The following XPR1 variants were observed in gnomAD, a reference collection of about 807,000 sequenced individuals.
The protein encoded by XPR1 is solute carrier family 53 member 1.
XPR1 carries 28 observed loss-of-function variants against 87.5 expected under a neutral mutation model. The ratio of observed to expected loss-of-function variants is 0.32; its 90% confidence interval spans 0.24 to 0.44. The LOEUF (loss-of-function observed/expected upper bound fraction) is 0.44, where lower values mean the gene tolerates loss of function less well. Among genes scored for constraint, XPR1 ranks in the 20% least tolerant of loss-of-function variants. XPR1 has a pLI of 1.00. For missense variants in XPR1, 559 were observed against 862.3 expected, an observed-to-expected ratio of 0.65 and a Z score of 4.41; for synonymous variants, 300 against 306.1, an observed-to-expected ratio of 0.98 and a Z score of 0.21.
In XPR1 at chr1:180,803,588, C is replaced by G. The variant is rs1649875132; in HGVS notation, c.424C>G (p.Leu142Val). 1 of 1,612,576 alleles carries G rather than the reference C, an allele frequency of 6.2e-7. No homozygotes were observed. The highest frequency in any genetic ancestry group is 8.5e-7 in the Non-Finnish European group (1 of 1,179,750). Residue 142 changes from leucine to valine, a missense_variant, in exon 4 of 15, where the codon CTA becomes GTA. Physicochemically the swap from Leu to Val is conservative, Grantham distance 32. Transcript: ENST00000367590. ...GGCCTTCAGTGAGTTCTACCTCAGTCTAATCCTGCTGCAGAACTATCAGGT... is the reference window on the plus strand; with the variant it reads ...GGCCTTCAGTGAGTTCTACCTCAGTGTAATCCTGCTGCAGAACTATCAGGT... ...KLAFSEFYLSLILLQNYQNLN... is the reference protein window; with the variant it reads ...KLAFSEFYLSVILLQNYQNLN...
At chr1:180,851,343 C>T (rs1452708022) in intron 11 of XPR1, among the ~76,000 whole-genome samples, 1 of 152,084 alleles carries the variant, frequency 6.6e-6, no homozygotes, top group East Asian at 1.9e-4. Flanking sequence ...GCTTTTTCTA[C>T]TGGAGGTGGG....
At chr1:180,651,274 T>C (rs562806754) in intron 1 of XPR1, among the ~76,000 whole-genome samples, 1 of 152,270 alleles carries the variant, frequency 6.6e-6, no homozygotes, top group Admixed American at 6.5e-5. Context: ...GTATTTTTAG[T>C]AGAGGCGGGG....
rs12088419 is a variant in XPR1, at chr1:180,873,668, G to A, written c.1669-135G>A. The A allele has an allele frequency of 0.01, 10,253 of 981,662 alleles. 733 individuals are homozygous for A. In the African/African-American group the frequency reaches 0.15, roughly 14 times the overall value. 60.8% of individuals were successfully genotyped at this position (981,662 alleles called of 1,614,324 possible). ...AATGTGTACTTCCCTGCAAAATAAA[G>A]TACAACTTTCCTCTTGAGCCTGTGC... On this transcript the variant is annotated intron_variant, in intron 12 of 14. Coordinates refer to ENST00000367590, the MANE Select transcript of XPR1 (RefSeq NM_004736.4).
chr1:180,640,723 T>G (rs1052189971), intron 1 of XPR1, among the ~76,000 whole-genome samples: 1 of 152,132 alleles, frequency 6.6e-6, no homozygotes, highest in African/African-American at 2.4e-5. Flanking sequence ...TAACTATTAC[T>G]GGACAGCCAG....
intron 2 of XPR1, among the ~76,000 whole-genome samples, chr1:180,722,092 G>A (rs936360592): frequency 7.9e-5 from 12 of 151,772 alleles, no homozygotes; most frequent in African/African-American, 2.4e-4. Context: ...GTGAAACTTC[G>A]TGTCTACAAA....
chr1:180,671,985 A>C (rs780277769), intron 1 of XPR1, among the ~76,000 whole-genome samples: 6 of 152,204 alleles, frequency 3.9e-5, no homozygotes, highest in Non-Finnish European at 8.8e-5. Flanking sequence ...AACAGAAATA[A>C]AGCCTTAAGA....
At position 180,744,650 on chromosome 1, in the gene XPR1, C is replaced by CTTTTTTTTTTTTTTTTTTTTTTTTTTTT. The variant is rs200044209; in HGVS notation, c.122-43100_122-43099insTTTTTTTTTTTTTTTTTTTTTTTTTTTT. On this transcript the variant is annotated intron_variant, in intron 2 of 14. Coordinates refer to ENST00000367590, the MANE Select transcript of XPR1 (RefSeq NM_004736.4). ...ACTTGTTCAGGTTTAGGCACAATTT[C>CTTTTTTTTTTTTTTTTTTTTTTTTTTTT]TTTCTTTTTTTTTTTTTTGAGACAG... Among the ~76,000 whole-genome samples, 25 of 56,960 alleles carry CTTTTTTTTTTTTTTTTTTTTTTTTTTTT rather than the reference C, an allele frequency of 4.4e-4. 1 individual carries two copies. Among genetic ancestry groups the CTTTTTTTTTTTTTTTTTTTTTTTTTTTT allele is most frequent in the African/African-American group, 1.3e-3 (22 of 17,142 alleles). 37.4% of individuals were successfully genotyped at this position (56,960 alleles called of 152,430 possible). A position where few individuals can be genotyped will look rare whatever the true frequency, so the allele number is the denominator to read the frequency against.
chr1:180,671,901 A>G (rs992964668), intron 1 of XPR1, among the ~76,000 whole-genome samples: 9 of 152,192 alleles, frequency 5.9e-5, no homozygotes, highest in Admixed American at 5.2e-4. Flanking sequence ...ATATTCTTAA[A>G]TATTTGTTGA....
At chr1:180,772,114 A>G (rs761299914) in intron 2 of XPR1, among the ~76,000 whole-genome samples, 8 of 152,166 alleles carry the variant, frequency 5.3e-5, no homozygotes, top group East Asian at 1.9e-4. Context: ...TTATTTATTC[A>G]TATCAACATG....
At chr1:180,671,200 G>T (rs1057432504) in intron 1 of XPR1, among the ~76,000 whole-genome samples, 1 of 152,096 alleles carries the variant, frequency 6.6e-6, no homozygotes, top group African/African-American at 2.4e-5. Flanking sequence ...ACTTTATTTT[G>T]TGGCCCTGAG....
intron 2 of XPR1, among the ~76,000 whole-genome samples, chr1:180,709,159 G>A (rs559418846): frequency 6.6e-5 from 10 of 152,220 alleles, no homozygotes; most frequent in Middle Eastern, 3.4e-3. Flanking sequence ...TGATCCACCC[G>A]CCTCGGCCTC....
intron 2 of XPR1, among the ~76,000 whole-genome samples, chr1:180,778,097 C>T (rs1251524109): frequency 6.6e-6 from 1 of 152,188 alleles, no homozygotes. Flanking sequence ...CCTCCCACCT[C>T]AGCCTCCCAA....
At chr1:180,687,061 C>A (rs914093049) in intron 2 of XPR1, among the ~76,000 whole-genome samples, 28 of 151,946 alleles carry the variant, frequency 1.8e-4, no homozygotes, top group African/African-American at 6.8e-4. Flanking sequence ...ATTTTATATG[C>A]CGTAAAGAAT....
intron 2 of XPR1, chr1:180,758,810 A>G (rs954884086): frequency 7.2e-5 from 11 of 152,304 alleles, no homozygotes; most frequent in African/African-American, 2.2e-4. Context: ...GAAGCGTTCC[A>G]TTTCTTTTTT....
chr1:180,774,076 T>C (rs1648617022), intron 2 of XPR1, among the ~76,000 whole-genome samples: 1 of 152,222 alleles, frequency 6.6e-6, no homozygotes, highest in South Asian at 2.1e-4. Context: ...AATTTTCTTT[T>C]AGTCATTGGA....
chr1:180,746,245 G>A (rs1647243388), intron 2 of XPR1, among the ~76,000 whole-genome samples: 1 of 152,096 alleles, frequency 6.6e-6, no homozygotes, highest in Admixed American at 6.6e-5. Flanking sequence ...TTTACCCAGT[G>A]TGTAGTATTT....
rs562703489 is a variant in XPR1, at chr1:180,639,665, G to A, written c.69+7395G>A. Among the ~76,000 whole-genome samples the A allele has an allele frequency of 1.4e-3, 214 of 152,314 alleles. 1 individual carries two copies. Among genetic ancestry groups the A allele is most frequent in the African/African-American group, 4.8e-3 (198 of 41,568 alleles). On this transcript the variant is annotated intron_variant, in intron 1 of 14. Coordinates refer to ENST00000367590, the MANE Select transcript of XPR1 (RefSeq NM_004736.4). ...AGTCGTAATTCATAGGGTAATCCAT[G>A]TGCTTTGTGGGCTTTTTTTATACCT...
At position 180,704,245 on chromosome 1, in the gene XPR1, G is replaced by GATATATATATATATAT. The variant is rs35751561; in HGVS notation, c.121+21851_121+21866dup. 7.0e-3 allele frequency among the ~76,000 whole-genome samples: 461 copies of GATATATATATATATAT among 65,944 alleles called. 34 individuals carry two copies. The highest frequency in any genetic ancestry group is 9.1e-3 in the South Asian group (17 of 1,862). The allele number at this position is 65,944 out of a possible 152,430, so 43.3% of individuals were successfully genotyped here. A position where few individuals can be genotyped will look rare whatever the true frequency, so the allele number is the denominator to read the frequency against. ...TTTCTCAAGAACACTATAGGTGCTG[G>GATATATATATATATAT]ATATATATATATATATATATATATA... On this transcript the variant is annotated intron_variant, in intron 2 of 14. Coordinates refer to ENST00000367590, the MANE Select transcript of XPR1 (RefSeq NM_004736.4).
At chr1:180,741,323 C>T (rs552602122) in intron 2 of XPR1, among the ~76,000 whole-genome samples, 1 of 151,850 alleles carries the variant, frequency 6.6e-6, no homozygotes, top group Non-Finnish European at 1.5e-5. Context: ...GCCACCACGC[C>T]GAGCTAATTT....
Sources: gnomAD v4.1 joint callset for allele counts (sites outside exome capture counted in the v4.1 genomes callset) on GRCh38, gnomAD v4.1.1 for gene constraint, MANE v1.5 for transcripts, NCBI Gene and HGNC (gene_info 2026-07-23, HGNC 2026-07-21) for gene names.